The following ANKS1B variants were observed in gnomAD, a reference collection of about 807,000 sequenced individuals.
ANKS1B encodes ankyrin repeat and sterile alpha motif domain-containing protein 1B.
A neutral mutation model predicts 148.3 loss-of-function variants in ANKS1B; 36 were observed. That is an observed-to-expected ratio of 0.24 (90% confidence interval 0.19 to 0.32). The LOEUF is 0.32. Among genes scored for constraint, ANKS1B ranks in the 10% least tolerant of loss-of-function variants. The pLI is 1.00. For missense variants in ANKS1B, 1,157 were observed against 1,542.6 expected (o/e 0.75, Z 4.19); for synonymous variants, 542 against 560.8 (o/e 0.97, Z 0.47).
intron 8 of ANKS1B, among the ~76,000 whole-genome samples, chr12:99,705,120 G>T (rs2055526127): frequency 6.6e-6 from 1 of 151,934 alleles, no homozygotes; most frequent in African/African-American, 2.4e-5. Flanking sequence ...TGAATAAAAA[G>T]GCAAAAATAG....
intron 15 of ANKS1B, among the ~76,000 whole-genome samples, chr12:99,150,076 A>G (rs933283268): frequency 2.0e-5 from 3 of 152,186 alleles, no homozygotes; most frequent in Admixed American, 6.5e-5. Context: ...CAGAAATGAT[A>G]TCTAAGGAGT....
At position 99,882,072 on chromosome 12, in the gene ANKS1B, G is replaced by A. The variant is rs77603921; in HGVS notation, c.135-56683C>T. The stretch of plus-strand genomic sequence containing the variant: ...AGAAAGTTTCAGCAAGGAAATAGAA[G>A]ACGTGAAGAAGAACCAAATGGAAAA... On this transcript the variant is annotated intron_variant, in intron 1 of 26. Transcript: ENST00000683438. 2.0e-5 allele frequency among the ~76,000 whole-genome samples: 3 copies of A among 152,248 alleles called. No homozygotes were observed. In the East Asian group the frequency reaches 5.8e-4, roughly 29 times the overall value.
chr12:99,265,812 T>G (rs531850179), intron 12 of ANKS1B, among the ~76,000 whole-genome samples: 9 of 152,268 alleles, frequency 5.9e-5, no homozygotes, highest in African/African-American at 2.2e-4. Context: ...ATTTCTTTAC[T>G]TCGTGCTTTA....
intron 15 of ANKS1B, among the ~76,000 whole-genome samples, chr12:99,151,975 G>A (rs541735249): frequency 6.6e-6 from 1 of 152,216 alleles, no homozygotes; most frequent in African/African-American, 2.4e-5. Context: ...AATAAATGCA[G>A]GTCAGAATGT....
intron 14 of ANKS1B, among the ~76,000 whole-genome samples, chr12:99,236,485 G>A (rs975593233): frequency 6.6e-6 from 1 of 152,172 alleles, no homozygotes; most frequent in Non-Finnish European, 1.5e-5. Flanking sequence ...CACACTCTAA[G>A]ACCATCAGGT....
At chr12:99,558,388 G>A (rs772810087) in intron 9 of ANKS1B, among the ~76,000 whole-genome samples, 6 of 152,150 alleles carry the variant, frequency 3.9e-5, no homozygotes, top group Non-Finnish European at 5.9e-5. Context: ...GTACACACAC[G>A]CATGCCAGCA....
At chr12:99,723,201 G>C (rs930947614) in intron 8 of ANKS1B, among the ~76,000 whole-genome samples, 1 of 152,150 alleles carries the variant, frequency 6.6e-6, no homozygotes, top group Admixed American at 6.5e-5. Context: ...TGAGCTCTTT[G>C]GGGGAGGGGC....
At chr12:99,589,989 A>T (rs2097683485) in intron 9 of ANKS1B, among the ~76,000 whole-genome samples, 1 of 152,142 alleles carries the variant, frequency 6.6e-6, no homozygotes, top group African/African-American at 2.4e-5. Context: ...AACATTTTTT[A>T]AAAAAGAATC....
At chr12:98,742,462 A>T (rs561175058), downstream of ANKS1B, among the ~76,000 whole-genome samples, 1 of 152,328 alleles carries the variant, frequency 6.6e-6, no homozygotes, top group African/African-American at 2.4e-5. Context: ...ACTGAGTGCA[A>T]TATGTTGGCT....
chr12:99,466,997 T>G (rs1038422790), intron 10 of ANKS1B, among the ~76,000 whole-genome samples: 4 of 152,154 alleles, frequency 2.6e-5, no homozygotes, highest in Non-Finnish European at 5.9e-5. Flanking sequence ...AAAAGAGAAT[T>G]TTAGACCAAT....
At chr12:99,536,717 A>G (rs1242684066) in intron 9 of ANKS1B, among the ~76,000 whole-genome samples, 1 of 152,198 alleles carries the variant, frequency 6.6e-6, no homozygotes, top group Admixed American at 6.5e-5. Flanking sequence ...CACATTATGA[A>G]GAACGGGGTA....
intron 12 of ANKS1B, among the ~76,000 whole-genome samples, chr12:99,358,263 G>T (rs1258729803): frequency 6.6e-6 from 1 of 152,004 alleles, no homozygotes; most frequent in Non-Finnish European, 1.5e-5. Flanking sequence ...CCCCCATGTA[G>T]AAGTCAGTAA....
intron 17 of ANKS1B, among the ~76,000 whole-genome samples, chr12:98,904,391 GGGTCACTACTTCCAA>G (rs2099776174): frequency 6.6e-6 from 1 of 152,154 alleles, no homozygotes; most frequent in Non-Finnish European, 1.5e-5. Flanking sequence ...TAAGTCGAAG[GGGTCACTACTTCCAA>G]GGACACATGA....
intron 3 of ANKS1B, among the ~76,000 whole-genome samples, chr12:99,808,490 G>A (rs934221949): frequency 6.6e-5 from 10 of 152,192 alleles, no homozygotes; most frequent in Non-Finnish European, 1.2e-4. Context: ...CCTGTTAGAT[G>A]GGGAATCCAG....
intron 8 of ANKS1B, among the ~76,000 whole-genome samples, chr12:99,755,308 T>C (rs2061462132): frequency 6.6e-6 from 1 of 151,846 alleles, no homozygotes; most frequent in African/African-American, 2.4e-5. Context: ...AGGAAGAAAT[T>C]GATTCTCTGA....
chr12:99,613,198 A>C (rs1200863714), intron 9 of ANKS1B, among the ~76,000 whole-genome samples: 2 of 152,158 alleles, frequency 1.3e-5, no homozygotes, highest in Non-Finnish European at 2.9e-5. Flanking sequence ...TCAAAAAAAT[A>C]ACAGACGCTG....
chr12:99,689,090 A>G (rs1339221986), intron 8 of ANKS1B, among the ~76,000 whole-genome samples: 1 of 152,144 alleles, frequency 6.6e-6, no homozygotes, highest in African/African-American at 2.4e-5. Context: ...CTACTTCCTC[A>G]TCTTCAATGT....
At chr12:99,202,384 T>C (rs1209055560) in intron 14 of ANKS1B, among the ~76,000 whole-genome samples, 1 of 152,202 alleles carries the variant, frequency 6.6e-6, no homozygotes, top group Non-Finnish European at 1.5e-5. Flanking sequence ...TGTTCAGATG[T>C]TTACACACAT....
chr12:99,316,794 T>C (rs2084195612), intron 12 of ANKS1B, among the ~76,000 whole-genome samples: 1 of 152,262 alleles, frequency 6.6e-6, no homozygotes, highest in Non-Finnish European at 1.5e-5. Context: ...AGGGTTTTTA[T>C]GGTTTTAGGT....
Sources: gnomAD v4.1 joint callset for allele counts (sites outside exome capture counted in the v4.1 genomes callset) on GRCh38, gnomAD v4.1.1 for gene constraint, MANE v1.5 for transcripts, NCBI Gene and HGNC (gene_info 2026-07-23, HGNC 2026-07-21) for gene names.